Variants in BLMH observed in about 807,000 individuals in gnomAD.
BLMH encodes the protein BLM hydrolase.
Under a neutral mutation model 61.6 loss-of-function variants are expected in BLMH, and 32 were observed. The observed-to-expected ratio is 0.52, with a 90% CI of 0.39 to 0.70. The LOEUF is 0.70. Ranked by LOEUF, BLMH falls within the 30% of genes least tolerant of loss-of-function variation. The pLI is 0.00. For missense variants in BLMH, 460 were observed against 555.5 expected (o/e 0.83, Z 1.73); for synonymous variants, 183 against 193.8 (o/e 0.94, Z 0.46).
chr17:30,286,950 C>T, intron 4 of BLMH, 48 bp from the exon 5 acceptor site: 1 of 1,264,736 alleles, frequency 7.9e-7, no homozygotes. Context: ...AAATTAGAAA[C>T]CCTGGCAAAA....
intron 11 of BLMH, among the ~76,000 whole-genome samples, chr17:30,258,519 T>C (rs1281617079): frequency 1.3e-5 from 2 of 152,138 alleles, no homozygotes; most frequent in African/African-American, 2.4e-5. Flanking sequence ...AGGGGTTGTT[T>C]TGGCTTGTGG....
chr17:30,253,177 T>C (rs987482475), intron 11 of BLMH, among the ~76,000 whole-genome samples: 8 of 152,140 alleles, frequency 5.3e-5, no homozygotes, highest in African/African-American at 1.9e-4. Context: ...TAGAAGCAGA[T>C]TCATGTAATA....
chr17:30,261,600 C>T (rs1424138182), intron 11 of BLMH, among the ~76,000 whole-genome samples: 1 of 152,178 alleles, frequency 6.6e-6, no homozygotes, highest in Non-Finnish European at 1.5e-5. Flanking sequence ...TGTGACACTA[C>T]AATGAGTTAA....
At chr17:30,258,966 C>G (rs1434042485) in intron 11 of BLMH, among the ~76,000 whole-genome samples, 1 of 152,156 alleles carries the variant, frequency 6.6e-6, no homozygotes, top group Non-Finnish European at 1.5e-5. Flanking sequence ...CACCATTTCT[C>G]TGGCTGGCCT....
chr17:30,260,110 G>C (rs1907916605), intron 11 of BLMH, among the ~76,000 whole-genome samples: 1 of 152,136 alleles, frequency 6.6e-6, no homozygotes, highest in Non-Finnish European at 1.5e-5. Context: ...AACCCTACGA[G>C]ATAGGTCCAA....
chr17:30,266,985 T>G (rs369104776), intron 10 of BLMH, 31 bp from the exon 11 acceptor site: 34 of 1,600,378 alleles, frequency 2.1e-5, no homozygotes, highest in Non-Finnish European at 2.9e-5. Context: ...GTGAGTAGTC[T>G]GAAGCCAGAT....
chr17:30,272,445 C>T, intron 9 of BLMH, 116 bp downstream of exon 9: 1 of 1,136,316 alleles, frequency 8.8e-7, no homozygotes, highest in South Asian at 1.3e-5. Context: ...AAGAGACGCG[C>T]CCTTAGGTCA....
chr17:30,253,109 C>A (rs1239495304), intron 11 of BLMH, among the ~76,000 whole-genome samples: 1 of 152,196 alleles, frequency 6.6e-6, no homozygotes, highest in Non-Finnish European at 1.5e-5. Flanking sequence ...CTTCCCTCAC[C>A]ACAATGCAGG....
intron 10 of BLMH, among the ~76,000 whole-genome samples, chr17:30,270,924 G>A (rs982567227): frequency 2.6e-5 from 4 of 152,166 alleles, no homozygotes; most frequent in Admixed American, 6.5e-5. Context: ...AGGTCATCAA[G>A]ATATGAACAC....
rs35820177 is a variant in BLMH at position 30,268,883 on chromosome 17, A to T, written c.1147-1929T>A. ...GAAACCCTATCTCTACTAAAAATAC[A>T]AAAAAAAAAAAAAAAAAATTAGCCA... On this transcript the variant is annotated intron_variant, in intron 10 of 11. Coordinates refer to ENST00000261714, the MANE Select transcript of BLMH (RefSeq NM_000386.4). Among the ~76,000 whole-genome samples the T allele has an allele frequency of 3.2e-3, 410 of 126,332 alleles. 2 individuals are homozygous for T. The highest frequency in any genetic ancestry group is 3.7e-3 in the Non-Finnish European group (227 of 61,028). The allele number at this position is 126,332 out of a possible 152,430, so 82.9% of individuals were successfully genotyped here. A position where few individuals can be genotyped will look rare whatever the true frequency, so the allele number is the denominator to read the frequency against.
At chr17:30,287,072 GT>G (rs2143048853) in intron 4 of BLMH, among the ~76,000 whole-genome samples, 170 bp from the exon 5 acceptor site, 1 of 152,208 alleles carries the variant, frequency 6.6e-6, no homozygotes, top group South Asian at 2.1e-4. Context: ...TTTTGACAGA[GT>G]TTTGCTCTGT....
chr17:30,282,892 C>A (rs1201374407), intron 6 of BLMH, among the ~76,000 whole-genome samples: 1 of 152,180 alleles, frequency 6.6e-6, no homozygotes, highest in Admixed American at 6.5e-5. Context: ...CCAGGTATGG[C>A]GGCTCACACT....
chr17:30,252,554 A>T (rs893551595), intron 11 of BLMH, among the ~76,000 whole-genome samples: 23 of 149,094 alleles, frequency 1.5e-4, no homozygotes, highest in Admixed American at 4.0e-4. Flanking sequence ...AAAAAAAAAA[A>T]AAAAATTAGC....
chr17:30,286,330 G>C (rs1172283574), intron 5 of BLMH, among the ~76,000 whole-genome samples: 1 of 152,220 alleles, frequency 6.6e-6, no homozygotes, highest in African/African-American at 2.4e-5. Flanking sequence ...GATAACTGAA[G>C]CAAATAAAAA....
chr17:30,265,857 TC>T (rs1908089772), intron 11 of BLMH, among the ~76,000 whole-genome samples: 1 of 152,144 alleles, frequency 6.6e-6, no homozygotes, highest in African/African-American at 2.4e-5. Flanking sequence ...AAAATCTCTT[TC>T]AAAAGCTATT....
Position 30,291,809 on chromosome 17 carries a change from G to T in BLMH, c.11C>A (p.Ser4Ter). The change falls in exon 1 of 12, where the codon TCG (serine) becomes TAG (stop). Residue 4 changes from serine to a stop codon, truncating the protein, a stop_gained and splice_region_variant. Coordinates refer to ENST00000261714, the MANE Select transcript of BLMH (RefSeq NM_000386.4). LOFTEE classifies it high-confidence loss of function. ...GGCGGGGGACGGCGGCACCTCACCC[G>T]AGCTGCTCATGGCGCCCACGCTGCC... The part of the protein sequence containing the change: MSS[S>*]GLNSEKVAAL... 1 of 1,386,722 alleles carries T rather than the reference G, an allele frequency of 7.2e-7. No individual in the cohort carries two copies. The highest frequency in any genetic ancestry group is 9.3e-7 in the Non-Finnish European group (1 of 1,074,884). The allele number at this position is 1,386,722 out of a possible 1,614,324, so 85.9% of individuals were successfully genotyped here.
At chr17:30,255,405 CCT>C (rs1407508315) in intron 11 of BLMH, among the ~76,000 whole-genome samples, 8 of 151,976 alleles carry the variant, frequency 5.3e-5, no homozygotes, top group Non-Finnish European at 1.5e-5. Context: ...AGAAAAGATC[CCT>C]GTCTTAAGCA....
At chr17:30,255,583 G>A (rs1264145030) in intron 11 of BLMH, among the ~76,000 whole-genome samples, 2 of 152,080 alleles carry the variant, frequency 1.3e-5, no homozygotes, top group African/African-American at 2.4e-5. Flanking sequence ...GTGTCTGTCT[G>A]AGAACTCTGT....
intron 9 of BLMH, 122 bp downstream of exon 9, chr17:30,272,439 G>C: frequency 3.8e-6 from 4 of 1,049,622 alleles, no homozygotes; most frequent in Non-Finnish European, 5.9e-6. Flanking sequence ...CAAAGAAAGA[G>C]ACGCGCCCTT....
Sources: gnomAD v4.1 joint callset for allele counts (sites outside exome capture counted in the v4.1 genomes callset) on GRCh38, gnomAD v4.1.1 for gene constraint, MANE v1.5 for transcripts, NCBI Gene and HGNC (gene_info 2026-07-23, HGNC 2026-07-21) for gene names.